ENPP6: variants seen among roughly 807,000 people sequenced by gnomAD.
The protein encoded by ENPP6 is ectonucleotide pyrophosphatase/phosphodiesterase 6.
ENPP6 carries 32 observed loss-of-function variants against 42.0 expected under a neutral mutation model. The ratio of observed to expected loss-of-function variants is 0.76; its 90% CI spans 0.58 to 1.02. The LOEUF is 1.02. ENPP6 is among the 50% of genes least tolerant of loss of function. The pLI is 0.00. For missense variants in ENPP6, 552 were observed against 566.8 expected (o/e 0.97, Z 0.27); for synonymous variants, 213 against 216.0 (o/e 0.99, Z 0.12).
chr4:184,193,088 A>T (rs1230554775), intron 1 of ENPP6, among the ~76,000 whole-genome samples: 4 of 152,242 alleles, frequency 2.6e-5, no homozygotes, highest in Non-Finnish European at 5.9e-5. Flanking sequence ...ATTTCTCAAA[A>T]TGTTAAACAC....
intron 1 of ENPP6, among the ~76,000 whole-genome samples, chr4:184,206,852 G>A (rs1375061523): frequency 6.6e-6 from 1 of 152,232 alleles, no homozygotes; most frequent in Admixed American, 6.5e-5. Flanking sequence ...AGAGGAGCAC[G>A]ATGATTCGGT....
chr4:184,157,609 TTC>T lies in ENPP6; in HGVS notation c.242-3878_242-3877del, dbSNP rs143821280. 3.5e-4 allele frequency among the ~76,000 whole-genome samples: 53 copies of T among 150,074 alleles called. 1 individual carries two copies. The East Asian group carries it at 9.5e-3, about 27-fold the overall frequency. ...CTTCCTTTCCTTTCTTTCCTTCCTT[TTC>T]TCTCTCTTTCTCTCTTTCTTCTTCC... is the stretch of plus-strand genomic sequence containing the variant. On this transcript the variant is annotated intron_variant, in intron 1 of 7. Coordinates refer to ENST00000296741, the MANE Select transcript of ENPP6 (RefSeq NM_153343.4).
chr4:184,106,201 A>G (rs1736090099), intron 6 of ENPP6, among the ~76,000 whole-genome samples: 2 of 151,584 alleles, frequency 1.3e-5, no homozygotes, highest in African/African-American at 4.9e-5. Flanking sequence ...TGCCCGGTTA[A>G]TTTTTGTATT....
chr4:184,179,088 AT>A (rs1179742330), intron 1 of ENPP6, among the ~76,000 whole-genome samples: 1 of 152,234 alleles, frequency 6.6e-6, no homozygotes, highest in Non-Finnish European at 1.5e-5. Context: ...GGCAAGCTGA[AT>A]AAAGAGTCAA....
intron 2 of ENPP6, among the ~76,000 whole-genome samples, chr4:184,136,558 A>G (rs1186742115): frequency 6.6e-6 from 1 of 152,008 alleles, no homozygotes; most frequent in Non-Finnish European, 1.5e-5. Flanking sequence ...TATATTTTCT[A>G]TGGTTGCTGT....
chr4:184,149,019 G>A (rs1040831312), intron 2 of ENPP6, among the ~76,000 whole-genome samples: 1 of 152,134 alleles, frequency 6.6e-6, no homozygotes, highest in Admixed American at 6.5e-5. Context: ...CTTGACTAAG[G>A]CCTCTTCCAG....
At chr4:184,145,667 G>A (rs886391018) in intron 2 of ENPP6, among the ~76,000 whole-genome samples, 2 of 152,214 alleles carry the variant, frequency 1.3e-5, no homozygotes, top group Non-Finnish European at 2.9e-5. Context: ...AACGGCATAG[G>A]CAGTTGATGT....
chr4:184,206,395 C>T (rs1249864860), intron 1 of ENPP6, among the ~76,000 whole-genome samples: 2 of 106,140 alleles, frequency 1.9e-5, no homozygotes, highest in African/African-American at 3.8e-5. Context: ...GTAGCTGGGA[C>T]TACAGGCGGG....
rs1262121009 is a variant in ENPP6 at position 184,209,014 on chromosome 4, C to T, written c.241+8565G>A. ...ACGGCAGGGTATTCCAACAGACCTG[C>T]AGCTGAGGGTCCTGTCTGTTAGAAG... is the stretch of plus-strand genomic sequence containing the variant. On this transcript the variant is annotated intron_variant, in intron 1 of 7. Transcript: ENST00000296741. 6.3e-5 allele frequency among the ~76,000 whole-genome samples: 9 copies of T among 143,072 alleles called. No homozygotes were observed. In the East Asian group the frequency reaches 1.0e-3, roughly 16 times the overall value. The allele number at this position is 143,072 out of a possible 152,430, so 93.9% of individuals were successfully genotyped here.
intron 2 of ENPP6, among the ~76,000 whole-genome samples, chr4:184,132,830 CACACATATATAT>C (rs60029147): frequency 0.7 from 89,631 of 128,100 alleles, 27,820 homozygotes; most frequent in Non-Finnish European, 0.74. Context: ...CACACACACA[CACACATATATAT>C]ATATATATAT....
intron 1 of ENPP6, among the ~76,000 whole-genome samples, chr4:184,191,016 AGGCAGT>A (rs140577762): frequency 0.011 from 1,646 of 152,378 alleles, 17 homozygotes; most frequent in Non-Finnish European, 0.017. Flanking sequence ...AAGCCTGGAA[AGGCAGT>A]GGCTCATGTA....
At chr4:184,149,067 C>G (rs1041780594) in intron 2 of ENPP6, among the ~76,000 whole-genome samples, 1 of 152,170 alleles carries the variant, frequency 6.6e-6, no homozygotes, top group Non-Finnish European at 1.5e-5. Context: ...TAATGCCAAA[C>G]TGGTAATGTT....
chr4:184,154,093 A>G (rs1287230735), intron 1 of ENPP6, among the ~76,000 whole-genome samples: 2 of 152,148 alleles, frequency 1.3e-5, no homozygotes, highest in African/African-American at 4.8e-5. Flanking sequence ...CTCACCCCAG[A>G]GCCCTCTCTG....
At chr4:184,164,565 C>T (rs1163064754) in intron 1 of ENPP6, among the ~76,000 whole-genome samples, 1 of 152,114 alleles carries the variant, frequency 6.6e-6, no homozygotes, top group African/African-American at 2.4e-5. Flanking sequence ...ACACCTGGGG[C>T]TACGAGAAGC....
At chr4:184,109,477 G>A (rs568945179) in intron 6 of ENPP6, among the ~76,000 whole-genome samples, 1 of 152,088 alleles carries the variant, frequency 6.6e-6, no homozygotes, top group African/African-American at 2.4e-5. Flanking sequence ...GAGCTGCTAC[G>A]GATCCGGGCG....
intron 1 of ENPP6, among the ~76,000 whole-genome samples, chr4:184,157,838 T>A (rs1177622765): frequency 6.7e-6 from 1 of 149,178 alleles, no homozygotes; most frequent in South Asian, 2.1e-4. Flanking sequence ...AAGGTTGGTC[T>A]CAAACTCCTG....
chr4:184,143,799 A>G (rs1736871612), intron 2 of ENPP6, among the ~76,000 whole-genome samples: 1 of 152,210 alleles, frequency 6.6e-6, no homozygotes, highest in Non-Finnish European at 1.5e-5. Context: ...ATGGATCTGG[A>G]ATCCATGTTC....
At chr4:184,190,309 CAG>C (rs1284261420) in intron 1 of ENPP6, among the ~76,000 whole-genome samples, 1 of 152,206 alleles carries the variant, frequency 6.6e-6, no homozygotes, top group East Asian at 1.9e-4. Context: ...CAATATTTGA[CAG>C]AGTTTGCAAA....
At chr4:184,172,722 A>G (rs1192158250) in intron 1 of ENPP6, among the ~76,000 whole-genome samples, 1 of 152,194 alleles carries the variant, frequency 6.6e-6, no homozygotes, top group Admixed American at 6.5e-5. Context: ...TATGACTTTA[A>G]AGGGTTTGAT....
Sources: gnomAD v4.1 joint callset for allele counts (sites outside exome capture counted in the v4.1 genomes callset) on GRCh38, gnomAD v4.1.1 for gene constraint, MANE v1.5 for transcripts, NCBI Gene and HGNC (gene_info 2026-07-23, HGNC 2026-07-21) for gene names.